The following DYM variants were observed in gnomAD, a reference collection of about 807,000 sequenced individuals.
DYM encodes dymeclin.
A neutral mutation model predicts 93.1 loss-of-function variants in DYM; 78 were observed. The ratio of observed to expected loss-of-function variants is 0.84; its 90% CI spans 0.70 to 1.01. The LOEUF (loss-of-function observed/expected upper bound fraction) is 1.01. Ranked by LOEUF, DYM falls within the 50% of genes least tolerant of loss-of-function variation. The pLI is 0.00. For missense variants in DYM, 789 were observed against 845.0 expected, an observed-to-expected ratio of 0.93 and a Z score of 0.82; for synonymous variants, 321 against 319.7, an observed-to-expected ratio of 1.00 and a Z score of -0.04.
chr18:49,124,095 T>C (rs958088357), intron 15 of DYM, among the ~76,000 whole-genome samples: 2 of 152,208 alleles, frequency 1.3e-5, no homozygotes, highest in Admixed American at 6.5e-5. Flanking sequence ...TTTAAATAAG[T>C]AATTTGCTGA....
intron 14 of DYM, among the ~76,000 whole-genome samples, chr18:49,191,702 AAGAAC>A (rs1220740138): frequency 2.0e-5 from 3 of 152,230 alleles, no homozygotes; most frequent in Non-Finnish European, 2.9e-5. Flanking sequence ...TGAGTAGGTA[AAGAAC>A]AGAAGTTCAA....
intron 17 of DYM, among the ~76,000 whole-genome samples, chr18:49,060,584 G>A (rs961445689): frequency 2.0e-5 from 3 of 147,246 alleles, no homozygotes; most frequent in Admixed American, 2.0e-4. Context: ...GCATTGCTGA[G>A]TGAGGAACAG....
intron 6 of DYM, among the ~76,000 whole-genome samples, chr18:49,334,572 T>C (rs2063533080): frequency 6.6e-6 from 1 of 152,084 alleles, no homozygotes; most frequent in Non-Finnish European, 1.5e-5. Flanking sequence ...TAAACAGGAT[T>C]ATAATGGGGA....
At chr18:49,120,241 T>C (rs1380949834) in intron 15 of DYM, among the ~76,000 whole-genome samples, 6 of 152,064 alleles carry the variant, frequency 3.9e-5, no homozygotes, top group Non-Finnish European at 8.8e-5. Context: ...AGTTACACAT[T>C]AATAACTACA....
intron 15 of DYM, among the ~76,000 whole-genome samples, chr18:49,147,211 A>T (rs902552725): frequency 1.3e-5 from 2 of 152,168 alleles, no homozygotes; most frequent in African/African-American, 2.4e-5. Context: ...TGGATTAAAG[A>T]CTTAGATGTT....
In DYM at chr18:49,260,253, G is replaced by A. The variant is rs552450281; in HGVS notation, c.1252-1760C>T. Reference sequence around the variant, plus strand: ...AAATTAGCCGGGTGTAGTAGTGTACGCCTATATAGTCCCAGCTACTCTGGA... The same window carrying A: ...AAATTAGCCGGGTGTAGTAGTGTACACCTATATAGTCCCAGCTACTCTGGA... On this transcript the variant is annotated intron_variant, in intron 11 of 17. Transcript: ENST00000675505. Among the ~76,000 whole-genome samples the A allele has an allele frequency of 1.1e-4, 17 of 152,274 alleles. No homozygotes were observed. The East Asian group carries it at 2.9e-3, about 26-fold the overall frequency.
intron 1 of DYM, among the ~76,000 whole-genome samples, chr18:49,441,399 C>T (rs1481883291): frequency 8.6e-6 from 1 of 115,768 alleles, no homozygotes; most frequent in African/African-American, 3.3e-5. Context: ...CACATATATG[C>T]CCCACTTGTA....
chr18:49,339,036 A>C (rs1343821868), intron 6 of DYM, among the ~76,000 whole-genome samples: 1 of 152,176 alleles, frequency 6.6e-6, no homozygotes, highest in South Asian at 2.1e-4. Context: ...ACCAATAAAA[A>C]GGCAGGAACT....
chr18:49,344,392 T>A (rs1198726718), intron 6 of DYM, among the ~76,000 whole-genome samples: 1 of 152,128 alleles, frequency 6.6e-6, no homozygotes, highest in Admixed American at 6.5e-5. Flanking sequence ...ACTTTGTTAT[T>A]CTTGATTGTT....
intron 3 of DYM, among the ~76,000 whole-genome samples, chr18:49,384,313 C>A (rs567317696): frequency 8.7e-6 from 1 of 115,578 alleles, no homozygotes; most frequent in Non-Finnish European, 1.7e-5. Context: ...CAGAGTGAGA[C>A]CATGTCTCCA....
chr18:49,365,295 A>G (rs1017217361), intron 5 of DYM, among the ~76,000 whole-genome samples: 6 of 152,236 alleles, frequency 3.9e-5, no homozygotes, highest in African/African-American at 1.4e-4. Flanking sequence ...AATCTTAAAA[A>G]GAATATTAAA....
intron 15 of DYM, among the ~76,000 whole-genome samples, chr18:49,161,141 A>G (rs2087069315): frequency 6.6e-6 from 1 of 152,116 alleles, no homozygotes; most frequent in African/African-American, 2.4e-5. Context: ...TTTTCCCACT[A>G]TTTCTAGAAG....
intron 8 of DYM, among the ~76,000 whole-genome samples, chr18:49,299,742 T>C (rs894880182): frequency 3.3e-5 from 5 of 152,150 alleles, no homozygotes; most frequent in Non-Finnish European, 4.4e-5. Flanking sequence ...TTTTACATTT[T>C]ATATAAAAAT....
intron 5 of DYM, among the ~76,000 whole-genome samples, chr18:49,367,741 T>C (rs998718706): frequency 6.6e-6 from 1 of 152,196 alleles, no homozygotes; most frequent in African/African-American, 2.4e-5. Context: ...GCCAGTTTTT[T>C]AATGCTGCCC....
chr18:49,147,929 A>T (rs1192888676), intron 15 of DYM, among the ~76,000 whole-genome samples: 2 of 152,216 alleles, frequency 1.3e-5, no homozygotes, highest in East Asian at 1.9e-4. Context: ...GATAGCAAAG[A>T]CTTGGAACCA....
chr18:49,185,985 C>T (rs1350083563), intron 14 of DYM, among the ~76,000 whole-genome samples: 1 of 152,144 alleles, frequency 6.6e-6, no homozygotes, highest in Non-Finnish European at 1.5e-5. Context: ...CGATGTGTCA[C>T]TTTCAAAACT....
intron 17 of DYM, among the ~76,000 whole-genome samples, chr18:49,056,703 A>C (rs1247300324): frequency 8.2e-6 from 1 of 121,902 alleles, no homozygotes; most frequent in Non-Finnish European, 1.6e-5. Context: ...ACAACTGGGT[A>C]ATTTTTTTTT....
At chr18:49,416,370 T>A (rs1459140060) in intron 2 of DYM, among the ~76,000 whole-genome samples, 1 of 152,074 alleles carries the variant, frequency 6.6e-6, no homozygotes, top group Non-Finnish European at 1.5e-5. Flanking sequence ...AAATCCATGT[T>A]CCCCCTGCCA....
chr18:49,132,535 G>T (rs1250522321), intron 15 of DYM, among the ~76,000 whole-genome samples: 1 of 152,018 alleles, frequency 6.6e-6, no homozygotes, highest in East Asian at 1.9e-4. Flanking sequence ...TATCTTCAAG[G>T]AATATATAAT....
Sources: allele counts gnomAD v4.1 joint callset (sites outside exome capture counted in the v4.1 genomes callset), GRCh38; gene constraint gnomAD v4.1.1; transcripts MANE v1.5; gene names NCBI Gene and HGNC (gene_info 2026-07-23, HGNC 2026-07-21).